The following RPS6KC1 variants were observed in gnomAD, a reference collection of about 807,000 sequenced individuals.
RPS6KC1 encodes the protein ribosomal protein S6 kinase C1.
In RPS6KC1, 54 loss-of-function variants were observed where a neutral mutation model predicts 103.8. That is an observed-to-expected ratio of 0.52 (90% CI 0.42 to 0.65). The LOEUF (loss-of-function observed/expected upper bound fraction) is 0.65. RPS6KC1 is among the 30% of genes least tolerant of loss of function. RPS6KC1 has a pLI of 0.00. For missense variants in RPS6KC1, 1,151 were observed against 1,253.8 expected, an observed-to-expected ratio of 0.92 and a Z score of 1.24; for synonymous variants, 439 against 438.7, an observed-to-expected ratio of 1.00 and a Z score of -0.01.
chr1:213,605,327 A>C, the RPS6KC1 span, among the ~76,000 whole-genome samples: 1 of 152,230 alleles, frequency 6.6e-6, no homozygotes, highest in Non-Finnish European at 1.5e-5. Context: ...GAATGGACAG[A>C]GCTATTGGGC....
At chr1:213,486,453 A>C in the RPS6KC1 span, among the ~76,000 whole-genome samples, 1 of 152,150 alleles carries the variant, frequency 6.6e-6, no homozygotes, top group African/African-American at 2.4e-5. Context: ...GAGGCTTTAA[A>C]GTACACACAT....
chr1:213,580,112 A>G, the RPS6KC1 span, among the ~76,000 whole-genome samples: 1 of 152,206 alleles, frequency 6.6e-6, no homozygotes, highest in East Asian at 1.9e-4. Flanking sequence ...AAATAAATTA[A>G]AAACCTCCTG....
At chr1:213,779,743 C>T in the RPS6KC1 span, among the ~76,000 whole-genome samples, 1 of 152,144 alleles carries the variant, frequency 6.6e-6, no homozygotes. Flanking sequence ...ACCAGACTGA[C>T]CAGAAAGTTT....
At chr1:213,450,157 A>G in the RPS6KC1 span, among the ~76,000 whole-genome samples, 6 of 152,194 alleles carry the variant, frequency 3.9e-5, no homozygotes, top group Admixed American at 1.3e-4. Context: ...GGTTAGGTAC[A>G]TAGGACAGCA....
At chr1:213,492,207 AT>A in the RPS6KC1 span, 1 of 152,218 alleles carries the variant, frequency 6.6e-6, no homozygotes, top group East Asian at 1.9e-4. Context: ...CTACTCCTGA[AT>A]TTTGCCTGGA....
At chr1:213,311,141 A>ATTT in the RPS6KC1 span, among the ~76,000 whole-genome samples, 1 of 138,614 alleles carries the variant, frequency 7.2e-6, no homozygotes, top group African/African-American at 2.6e-5. Context: ...TAATTTAGGC[A>ATTT]TTTTTTTTTT....
the RPS6KC1 span, among the ~76,000 whole-genome samples, chr1:213,804,183 A>AAAAC: frequency 6.7e-6 from 1 of 149,672 alleles, no homozygotes; most frequent in African/African-American, 2.4e-5. Flanking sequence ...TAAAAAAAAA[A>AAAAC]AAAAAAAAAA....
chr1:213,437,713 A>G, the RPS6KC1 span, among the ~76,000 whole-genome samples: 1 of 151,616 alleles, frequency 6.6e-6, no homozygotes, highest in African/African-American at 2.4e-5. Flanking sequence ...GTGTTTTTAA[A>G]TTAATTTGTC....
chr1:213,602,217 C>T, the RPS6KC1 span, among the ~76,000 whole-genome samples: 1 of 102,484 alleles, frequency 9.8e-6, no homozygotes, highest in Non-Finnish European at 1.9e-5. Flanking sequence ...TCCCTCCATT[C>T]CTTCTTCCTT....
intron 4 of RPS6KC1, among the ~76,000 whole-genome samples, chr1:213,115,605 G>C (rs934742917): frequency 3.9e-5 from 6 of 151,924 alleles, no homozygotes; most frequent in African/African-American, 1.4e-4. Context: ...GCTTTTGAAT[G>C]TGTTTGCTCT....
chr1:213,486,741 G>T, the RPS6KC1 span, among the ~76,000 whole-genome samples: 2 of 152,156 alleles, frequency 1.3e-5, no homozygotes, highest in African/African-American at 2.4e-5. Flanking sequence ...ACAATGTATT[G>T]AGCTGCTGCC....
intron 7 of RPS6KC1, among the ~76,000 whole-genome samples, chr1:213,168,991 A>G (rs2091246761): frequency 6.6e-6 from 1 of 152,106 alleles, no homozygotes; most frequent in Non-Finnish European, 1.5e-5. Context: ...CCACTTCTGC[A>G]TGTCAGTTTC....
the RPS6KC1 span, among the ~76,000 whole-genome samples, chr1:213,672,761 C>G: frequency 1.3e-5 from 2 of 152,158 alleles, no homozygotes; most frequent in Non-Finnish European, 2.9e-5. Context: ...ACTTGCATAA[C>G]CAACAGTGGG....
chr1:213,061,249 A>G (rs967369822), intron 1 of RPS6KC1, among the ~76,000 whole-genome samples: 1 of 152,252 alleles, frequency 6.6e-6, no homozygotes, highest in Admixed American at 6.5e-5. Flanking sequence ...TACTTTTGAC[A>G]TAATGCTTTC....
the RPS6KC1 span, among the ~76,000 whole-genome samples, chr1:213,591,971 G>T: frequency 2.5e-4 from 38 of 152,294 alleles, no homozygotes; most frequent in South Asian, 7.7e-3. Flanking sequence ...GCTTTCCAAG[G>T]TGTCTTCAGC....
the RPS6KC1 span, among the ~76,000 whole-genome samples, chr1:213,535,811 G>T: frequency 6.6e-6 from 1 of 152,116 alleles, no homozygotes; most frequent in Non-Finnish European, 1.5e-5. Flanking sequence ...TTAGGCGCGA[G>T]GAGTCCCCCT....
chr1:213,372,208 GA>G, the RPS6KC1 span, among the ~76,000 whole-genome samples: 1 of 152,220 alleles, frequency 6.6e-6, no homozygotes, highest in East Asian at 1.9e-4. Context: ...GCTGCTGAGA[GA>G]GGGGTGTCTG....
At chr1:213,582,319 A>T in the RPS6KC1 span, among the ~76,000 whole-genome samples, 3 of 152,170 alleles carry the variant, frequency 2.0e-5, no homozygotes, top group African/African-American at 7.2e-5. Context: ...GAGCACTTAG[A>T]TACTGCCAGC....
chr1:213,807,002 T>A, the RPS6KC1 span, among the ~76,000 whole-genome samples: 4 of 152,084 alleles, frequency 2.6e-5, no homozygotes, highest in Non-Finnish European at 5.9e-5. Flanking sequence ...CAGCATTTGC[T>A]TGTCTGTAAA....
Sources: gnomAD v4.1 joint callset for allele counts (sites outside exome capture counted in the v4.1 genomes callset) on GRCh38, gnomAD v4.1.1 for gene constraint, MANE v1.5 for transcripts, NCBI Gene and HGNC (gene_info 2026-07-23, HGNC 2026-07-21) for gene names.